Variants in MAPKAP1 observed in about 807,000 individuals in gnomAD.
MAPKAP1 encodes target of rapamycin complex 2 subunit MAPKAP1.
A neutral mutation model predicts 65.7 loss-of-function variants in MAPKAP1; 20 were observed. That is an observed-to-expected ratio of 0.30 (90% CI 0.21 to 0.44). MAPKAP1 has a LOEUF of 0.44. Among genes scored for constraint, MAPKAP1 ranks in the 20% least tolerant of loss-of-function variants. The probability of loss-of-function intolerance (pLI) is 1.00; values close to 1 mark genes in which losing one functional copy is unlikely to be tolerated. For missense variants in MAPKAP1, 423 were observed against 648.0 expected (o/e 0.65, Z 3.77); for synonymous variants, 222 against 244.3 (o/e 0.91, Z 0.85).
At chr9:125,594,932 CTT>C (rs1251596562) in intron 4 of MAPKAP1, among the ~76,000 whole-genome samples, 1 of 152,180 alleles carries the variant, frequency 6.6e-6, no homozygotes, top group Admixed American at 6.5e-5. Flanking sequence ...CAGGAACACT[CTT>C]TCCTCTCTGA....
intron 11 of MAPKAP1, among the ~76,000 whole-genome samples, chr9:125,441,866 G>A (rs528638408): frequency 6.6e-6 from 1 of 152,286 alleles, no homozygotes; most frequent in South Asian, 2.1e-4. Flanking sequence ...GGCGGCTCAT[G>A]TCTTTAATCT....
chr9:125,593,395 C>T (rs1832029431), intron 4 of MAPKAP1, among the ~76,000 whole-genome samples: 1 of 152,160 alleles, frequency 6.6e-6, no homozygotes, highest in Admixed American at 6.6e-5. Flanking sequence ...GGCACAGTGG[C>T]TCAGGCCTGT....
chr9:125,620,168 G>C (rs763499050), intron 4 of MAPKAP1, among the ~76,000 whole-genome samples: 1 of 152,184 alleles, frequency 6.6e-6, no homozygotes, highest in African/African-American at 2.4e-5. Context: ...AATTATCTGG[G>C]TGTGGTGGGG....
chr9:125,598,098 C>T, intron 4 of MAPKAP1, among the ~76,000 whole-genome samples: 1 of 151,294 alleles, frequency 6.6e-6, no homozygotes, highest in East Asian at 1.9e-4. Flanking sequence ...ACCCAAACAC[C>T]AGAATTGTAA....
chr9:125,498,230 A>G (rs1310173107), intron 8 of MAPKAP1, among the ~76,000 whole-genome samples: 8 of 152,232 alleles, frequency 5.3e-5, no homozygotes, highest in East Asian at 1.9e-4. Context: ...AACTCTTGTC[A>G]TATCTGCTTC....
Position 125,576,864 on chromosome 9 carries a change from C to T in MAPKAP1, c.671+8691G>A, listed in dbSNP as rs964536631. Among the ~76,000 whole-genome samples, 205 of 151,952 alleles carry T rather than the reference C, an allele frequency of 1.3e-3. 1 individual carries two copies. Among genetic ancestry groups the T allele is most frequent in the African/African-American group, 4.6e-3 (189 of 41,516 alleles). On this transcript the variant is annotated intron_variant, in intron 5 of 11. Coordinates refer to ENST00000265960, the MANE Select transcript of MAPKAP1 (RefSeq NM_001006617.3). ...GGAGTGCAGTGGCGTGATCTCGGCT[C>T]GTTACAACCTCCACCTCCCAGCCGC...
At position 125,595,753 on chromosome 9, in the gene MAPKAP1, C is replaced by G; in HGVS notation, c.499-10026G>C. On this transcript the variant is annotated intron_variant, in intron 4 of 11. Transcript: ENST00000265960. This position sits in a 1 kb window ranked among gnomAD's most constrained non-coding sequence, Gnocchi z 4.0. ...TGAGCTTTGAAACAACCAATGAGAGCAAGAGGAGCCATTGTGAGCAATGGG... is the reference window on the plus strand; with the variant it reads ...TGAGCTTTGAAACAACCAATGAGAGGAAGAGGAGCCATTGTGAGCAATGGG... 1 of 1,367,316 alleles carries G rather than the reference C, an allele frequency of 7.3e-7. No individual in the cohort carries two copies. The highest frequency in any genetic ancestry group is 1.0e-6 in the Non-Finnish European group (1 of 974,542). The allele number at this position is 1,367,316 out of a possible 1,614,324, so 84.7% of individuals were successfully genotyped here.
chr9:125,574,106 T>G (rs1831322346), intron 5 of MAPKAP1, among the ~76,000 whole-genome samples: 3 of 152,212 alleles, frequency 2.0e-5, no homozygotes, highest in Admixed American at 2.0e-4. Context: ...ATGAGCCAGT[T>G]ACAAAGTGCT....
At chr9:125,542,752 T>A (rs1830289785) in intron 7 of MAPKAP1, among the ~76,000 whole-genome samples, 1 of 152,244 alleles carries the variant, frequency 6.6e-6, no homozygotes, top group Non-Finnish European at 1.5e-5. Flanking sequence ...GATTCGGTTT[T>A]CAAGACAGCT....
At chr9:125,532,943 G>C (rs1023430310) in intron 7 of MAPKAP1, among the ~76,000 whole-genome samples, 1 of 152,156 alleles carries the variant, frequency 6.6e-6, no homozygotes, top group Admixed American at 6.5e-5. Context: ...TCAAATAGGA[G>C]GTGGATTAAA....
intron 8 of MAPKAP1, among the ~76,000 whole-genome samples, chr9:125,489,817 T>C (rs940834299): frequency 6.6e-6 from 1 of 152,012 alleles, no homozygotes; most frequent in African/African-American, 2.4e-5. Context: ...TGGGGATTAA[T>C]AACATTAGAA....
chr9:125,660,853 G>A (rs1235946073), intron 3 of MAPKAP1, among the ~76,000 whole-genome samples: 1 of 152,136 alleles, frequency 6.6e-6, no homozygotes, highest in Non-Finnish European at 1.5e-5. Context: ...TCCTGACACA[G>A]CCGCCAATAT....
At chr9:125,440,495 C>G (rs1044376509) in intron 11 of MAPKAP1, among the ~76,000 whole-genome samples, 5 of 152,204 alleles carry the variant, frequency 3.3e-5, no homozygotes, top group Non-Finnish European at 7.3e-5. Context: ...AGAGGCCAGC[C>G]ACTGCCTCTG....
At chr9:125,449,139 A>G (rs1446053347) in intron 10 of MAPKAP1, among the ~76,000 whole-genome samples, 1 of 152,242 alleles carries the variant, frequency 6.6e-6, no homozygotes, top group East Asian at 1.9e-4. Context: ...ATTAAGGTTT[A>G]ACAAAAGCCT....
intron 5 of MAPKAP1, 97 bp downstream of exon 5, chr9:125,585,458 C>A: frequency 7.4e-7 from 1 of 1,343,268 alleles, no homozygotes; most frequent in South Asian, 1.3e-5. Context: ...AAGTGTGGTT[C>A]CAGGCCAATG....
intron 7 of MAPKAP1, among the ~76,000 whole-genome samples, chr9:125,524,651 T>C (rs1426191767): frequency 2.6e-5 from 4 of 152,214 alleles, no homozygotes; most frequent in African/African-American, 7.2e-5. Flanking sequence ...TTCTCAGAGT[T>C]TTCTTTCTTG....
At chr9:125,476,890 T>A (rs913484035) in intron 9 of MAPKAP1, among the ~76,000 whole-genome samples, 1 of 152,192 alleles carries the variant, frequency 6.6e-6, no homozygotes, top group Non-Finnish European at 1.5e-5. Context: ...AGTTTCTTTA[T>A]GTTGCCCTCA....
chr9:125,499,813 C>T (rs1828915947), intron 8 of MAPKAP1, among the ~76,000 whole-genome samples: 3 of 151,954 alleles, frequency 2.0e-5, no homozygotes, highest in Non-Finnish European at 4.4e-5. Flanking sequence ...GACACCATCT[C>T]TACAAAAAGA....
At chr9:125,670,170 G>T (rs951652865) in intron 2 of MAPKAP1, among the ~76,000 whole-genome samples, 1 of 152,068 alleles carries the variant, frequency 6.6e-6, no homozygotes, top group Non-Finnish European at 1.5e-5. Flanking sequence ...ATAATAAAAT[G>T]TGAAAACTTC....
Sources: gnomAD v4.1 joint callset for allele counts (sites outside exome capture counted in the v4.1 genomes callset) on GRCh38, gnomAD v4.1.1 for gene constraint, Gnocchi (gnomAD v3.1) non-coding constraint, MANE v1.5 for transcripts, NCBI Gene and HGNC (gene_info 2026-07-23, HGNC 2026-07-21) for gene names.